RPL31: variants seen among roughly 807,000 people sequenced by gnomAD.
RPL31 encodes the protein large ribosomal subunit protein eL31.
For synonymous variants in RPL31, 51 were observed against 55.0 expected (o/e 0.93, Z 0.32); for missense variants, 95 against 164.0 (o/e 0.58, Z 2.30).
chr2:101,006,537 C>G lies in RPL31; in HGVS notation c.*156C>G. On this transcript the variant is annotated 3_prime_UTR_variant, in exon 5 of 5. Transcript: ENST00000264258. ...GGCCTGTGCTGCCTTCTCCCCATCC[C>G]CTGGGGTTTTAAAGTGATTTCAAAC... is the stretch of plus-strand genomic sequence containing the variant. The G allele has an allele frequency of 1.5e-6, 1 of 685,102 alleles. No homozygotes were observed. The highest frequency in any genetic ancestry group is 2.3e-6 in the Non-Finnish European group (1 of 435,066). The allele number at this position is 685,102 out of a possible 1,614,324, so 42.4% of individuals were successfully genotyped here.
chr2:101,005,930 C>G (rs749627421), intron 3 of RPL31, 29 bp from the exon 4 acceptor site: 6 of 1,591,144 alleles, frequency 3.8e-6, no homozygotes, highest in Non-Finnish European at 5.2e-6. Context: ...GAGGCATTGA[C>G]TTCAGCAACA....
chr2:101,016,895 A>G (rs1160351108), intron 4 of RPL31, among the ~76,000 whole-genome samples: 2 of 150,156 alleles, frequency 1.3e-5, no homozygotes, highest in African/African-American at 4.9e-5. Context: ...GGACACATGA[A>G]GGGGAACATC....
At chr2:101,011,523 G>T, downstream of RPL31, 1 of 1,613,834 alleles carries the variant, frequency 6.2e-7, no homozygotes, top group Non-Finnish European at 8.5e-7. Flanking sequence ...TGGCTGTCTC[G>T]GTCATTTTCA....
intron 4 of RPL31, among the ~76,000 whole-genome samples, chr2:101,013,758 G>A (rs1438931461): frequency 6.6e-6 from 1 of 152,310 alleles, no homozygotes; most frequent in East Asian, 1.9e-4. Context: ...TCCACCATAA[G>A]TGTCTTCTCT....
chr2:101,011,405 C>T, downstream of RPL31: 3 of 1,598,324 alleles, frequency 1.9e-6, no homozygotes, highest in Non-Finnish European at 2.6e-6. Context: ...CCTCCCGCCA[C>T]TGCAGTGGTA....
At chr2:101,015,720 CAG>C (rs1462912480) in intron 4 of RPL31, among the ~76,000 whole-genome samples, 1 of 152,198 alleles carries the variant, frequency 6.6e-6, no homozygotes, top group East Asian at 1.9e-4. Context: ...GGTACCAAAA[CAG>C]AGATATAGAT....
intron 4 of RPL31, among the ~76,000 whole-genome samples, chr2:101,013,616 A>G (rs576036461): frequency 6.6e-6 from 1 of 152,366 alleles, no homozygotes; most frequent in Non-Finnish European, 1.5e-5. Flanking sequence ...ACCAGCAGGA[A>G]GGTCTCTCCT....
At chr2:101,014,912 C>T (rs1311743216) in intron 4 of RPL31, among the ~76,000 whole-genome samples, 1 of 152,142 alleles carries the variant, frequency 6.6e-6, no homozygotes, top group Admixed American at 6.5e-5. Context: ...TTAAACACCT[C>T]CCATTCCATA....
chr2:101,003,564 G>A (rs553173172), intron 2 of RPL31, among the ~76,000 whole-genome samples: 1 of 152,294 alleles, frequency 6.6e-6, no homozygotes, highest in South Asian at 2.1e-4. Context: ...GCTTACATAA[G>A]CTGTGTGAAG....
downstream of RPL31, chr2:101,011,155 A>C: frequency 1.1e-6 from 1 of 905,602 alleles, no homozygotes; most frequent in Non-Finnish European, 1.7e-6. Context: ...CAAAACTGGA[A>C]AGCAAGAGAT....
chr2:101,011,129 C>T, downstream of RPL31: 1 of 1,106,396 alleles, frequency 9.0e-7, no homozygotes, highest in Non-Finnish European at 1.3e-6. Flanking sequence ...AGGAATTCCA[C>T]TAAGCAAATT....
In RPL31 at chr2:101,006,424, T is replaced by A; in HGVS notation, c.*43T>A. 6.3e-7 allele frequency: 1 copy of A among 1,588,160 alleles called. No individual in the cohort carries two copies. Among genetic ancestry groups the A allele is most frequent in the Non-Finnish European group, 8.6e-7 (1 of 1,167,320 alleles). On this transcript the variant is annotated 3_prime_UTR_variant, in exon 5 of 5. Coordinates refer to ENST00000264258, the MANE Select transcript of RPL31 (RefSeq NM_000993.5). ...AAATAAAGTTATAAAATTGCCTTCATGTTTTTGTTCTTTTTAGTTGCAACA... is the reference window on the plus strand; with the variant it reads ...AAATAAAGTTATAAAATTGCCTTCAAGTTTTTGTTCTTTTTAGTTGCAACA...
At chr2:101,010,960 T>G (rs897663153), downstream of RPL31, 5 of 1,613,080 alleles carry the variant, frequency 3.1e-6, no homozygotes. Context: ...TTTCTCAGTT[T>G]TATCTTTTTC....
At chr2:101,016,597 T>A (rs574146951) in intron 4 of RPL31, among the ~76,000 whole-genome samples, 1 of 152,206 alleles carries the variant, frequency 6.6e-6, no homozygotes, top group South Asian at 2.1e-4. Context: ...GGACTATAAA[T>A]CATGCTGCTA....
At chr2:101,009,980 T>C (rs1373330872), downstream of RPL31, among the ~76,000 whole-genome samples, 5 of 151,452 alleles carry the variant, frequency 3.3e-5, no homozygotes, top group South Asian at 2.1e-4. Context: ...CGCCACCACG[T>C]CCAGCTAATT....
downstream of RPL31, among the ~76,000 whole-genome samples, chr2:101,009,446 T>TAAC (rs1356588506): frequency 6.6e-6 from 1 of 150,876 alleles, no homozygotes; most frequent in Non-Finnish European, 1.5e-5. Context: ...GGTACTAATA[T>TAAC]AACAAATATT....
chr2:101,011,836 GT>G (rs1679239308), downstream of RPL31, among the ~76,000 whole-genome samples: 1 of 152,320 alleles, frequency 6.6e-6, no homozygotes, highest in East Asian at 1.9e-4. Context: ...AAAAATGTAT[GT>G]AGTGAAATCC....
At chr2:101,011,435 GAA>G, downstream of RPL31, 1 of 1,613,588 alleles carries the variant, frequency 6.2e-7, no homozygotes. Flanking sequence ...AAGCAACAAT[GAA>G]AAGAGGTACG....
chr2:101,003,932 T>C (rs996851696), intron 2 of RPL31, among the ~76,000 whole-genome samples: 2 of 152,240 alleles, frequency 1.3e-5, no homozygotes, highest in African/African-American at 2.4e-5. Context: ...CTGCCTAGTT[T>C]AAGGGTTGGT....
Sources: allele counts gnomAD v4.1 joint callset (sites outside exome capture counted in the v4.1 genomes callset), GRCh38; gene constraint gnomAD v4.1.1; transcripts MANE v1.5; gene names NCBI Gene and HGNC (gene_info 2026-07-23, HGNC 2026-07-21).